The following NBPF14 variants were observed in gnomAD, a reference collection of about 807,000 sequenced individuals.
NBPF14 encodes the protein NBPF member 14.
A neutral mutation model predicts 91.2 loss-of-function variants in NBPF14; 104 were observed. The observed-to-expected ratio is 1.14, with a 90% confidence interval of 0.97 to 1.34. The LOEUF is 1.34. Among genes scored for constraint, NBPF14 ranks in the 40% most tolerant of loss-of-function variants. The probability of loss-of-function intolerance (pLI) is 0.00; values close to 1 mark genes in which losing one functional copy is unlikely to be tolerated. For synonymous variants in NBPF14, 294 were observed against 303.8 expected (o/e 0.97, Z 0.34); for missense variants, 908 against 783.0 (o/e 1.16, Z -1.91).
chr1:148,590,455 C>T (rs1332764330), intron 6 of NBPF14, among the ~76,000 whole-genome samples: 5 of 120,732 alleles, frequency 4.1e-5, no homozygotes, highest in African/African-American at 1.5e-4. Context: ...CCCATCCTCC[C>T]ACCTAAGTCT....
At chr1:148,577,482 A>G in intron 14 of NBPF14, 127 bp from the exon 15 acceptor site, 1 of 703,850 alleles carries the variant, frequency 1.4e-6, no homozygotes, top group Non-Finnish European at 2.6e-6. Context: ...TAATGAGGTA[A>G]CAAATTATTG....
intron 68 of NBPF14, among the ~76,000 whole-genome samples, 161 bp from the exon 69 acceptor site, chr1:148,535,017 G>A (rs1445203878): frequency 0.033 from 4,828 of 147,124 alleles, 74 homozygotes; most frequent in Non-Finnish European, 0.049. Context: ...ATAGACCAGG[G>A]CCAGGTAGAA....
intron 8 of NBPF14, among the ~76,000 whole-genome samples, chr1:148,587,046 T>G (rs1313565479): frequency 0.021 from 3,164 of 147,580 alleles, 347 homozygotes; most frequent in Non-Finnish European, 0.034. Flanking sequence ...CTCCTTTGGT[T>G]AATTTTGTGT....
chr1:148,558,947 ACT>A (rs1657066749), intron 38 of NBPF14, 72 bp downstream of exon 38: 1 of 297,558 alleles, frequency 3.4e-6, no homozygotes, highest in Non-Finnish European at 5.4e-6. Context: ...AATTGAACAC[ACT>A]CTTGTTTTCC....
Position 148,534,139 on chromosome 1 carries a change from G to A in NBPF14, c.8615-170C>T, listed in dbSNP as rs368360464. Among the ~76,000 whole-genome samples, 35 of 146,554 alleles carry A rather than the reference G, an allele frequency of 2.4e-4. No homozygotes were observed. The East Asian group carries it at 3.8e-3, about 16-fold the overall frequency. The stretch of plus-strand genomic sequence containing the variant: ...AGGCTGGTCATGATAGAAATTCCTC[G>A]GTTTTTCTCCCAGAAACTGTGGGTA... On this transcript the variant is annotated intron_variant, in intron 69 of 70. Coordinates refer to ENST00000619423, the Ensembl canonical transcript of NBPF14.
Position 148,576,089 on chromosome 1 carries a change from T to C in NBPF14, c.2079-278A>G, listed in dbSNP as rs1283918202. 8.4e-5 allele frequency among the ~76,000 whole-genome samples: 12 copies of C among 142,176 alleles called. 1 individual carries two copies. Among genetic ancestry groups the C allele is most frequent in the African/African-American group, 3.3e-4 (12 of 36,696 alleles). 93.3% of individuals were successfully genotyped at this position (142,176 alleles called of 152,430 possible). ...CTGATGAAGGGGTTAAAGGACACTC[T>C]GAGTTAGTGCCCTCGGGACACACAG... On this transcript the variant is annotated intron_variant, in intron 16 of 70. Coordinates refer to ENST00000619423, the Ensembl canonical transcript of NBPF14.
At chr1:148,577,052 C>T in intron 15 of NBPF14, 131 bp downstream of exon 15, 2 of 667,582 alleles carry the variant, frequency 3.0e-6, no homozygotes, top group Admixed American at 4.6e-5. Context: ...TTTCATTCAA[C>T]CTACATGTGC....
At chr1:148,549,858 TTCTGGTAGATCGTTA>T (rs1655960316) in intron 49 of NBPF14, among the ~76,000 whole-genome samples, 1 of 67,714 alleles carries the variant, frequency 1.5e-5, no homozygotes, top group Non-Finnish European at 2.5e-5. Context: ...AAATTCCCTA[TTCTGGTAGATCGTTA>T]TCCCAATATC....
chr1:148,572,525 T>A, exon 21 of NBPF14: 1 of 624,362 alleles, frequency 1.6e-6, no homozygotes, highest in Non-Finnish European at 2.8e-6. Context: ...AGTCAGGCAG[T>A]TCAAGATAAC....
chr1:148,593,303 A>T (rs1662802879), intron 3 of NBPF14, among the ~76,000 whole-genome samples: 1 of 148,928 alleles, frequency 6.7e-6, no homozygotes, highest in African/African-American at 2.4e-5. Flanking sequence ...CACCATTTTG[A>T]TTATACTGAA....
intron 70 of NBPF14, among the ~76,000 whole-genome samples, chr1:148,533,498 C>T (rs1654143645): frequency 6.6e-6 from 1 of 151,542 alleles, no homozygotes; most frequent in Non-Finnish European, 1.5e-5. Context: ...GTGAATTGGC[C>T]AGGTGACATA....
intron 37 of NBPF14, among the ~76,000 whole-genome samples, chr1:148,559,279 A>C (rs1274871600): frequency 1.8e-5 from 2 of 113,354 alleles, no homozygotes; most frequent in Admixed American, 8.6e-5. Context: ...AAAATTCCCT[A>C]TTCTGGTAGA....
intron 8 of NBPF14, among the ~76,000 whole-genome samples, chr1:148,586,836 T>G (rs1423879283): frequency 7.4e-6 from 1 of 135,090 alleles, no homozygotes; most frequent in African/African-American, 2.7e-5. Flanking sequence ...TACAAAGCCA[T>G]GTACAGAAAT....
At chr1:148,576,138 G>A (rs1243554219) in intron 16 of NBPF14, among the ~76,000 whole-genome samples, 2 of 107,038 alleles carry the variant, frequency 1.9e-5, no homozygotes, top group East Asian at 3.4e-4. Flanking sequence ...TGAAAAGAGT[G>A]GGCTCAATAA....
At position 148,593,175 on chromosome 1, in the gene NBPF14, G is replaced by A. The variant is rs1315083692; in HGVS notation, c.279-409C>T. Among the ~76,000 whole-genome samples, 8 of 145,904 alleles carry A rather than the reference G, an allele frequency of 5.5e-5. 1 individual carries two copies. Among genetic ancestry groups the A allele is most frequent in the Non-Finnish European group, 1.2e-4 (8 of 66,208 alleles). ...AGGTGCAGATGGGGCGAATTGAAAA[G>A]ATGAAAGAAGAAAAGAAGGACAGGG... On this transcript the variant is annotated intron_variant, in intron 3 of 70. Coordinates refer to ENST00000619423, the Ensembl canonical transcript of NBPF14.
intron 36 of NBPF14, 94 bp from the exon 37 acceptor site, chr1:148,560,059 G>A: frequency 1.5e-6 from 1 of 682,146 alleles, no homozygotes. Context: ...GGAAGAGTTT[G>A]AAAAGAAAAA....
chr1:148,533,452 G>C (rs1339665103), intron 70 of NBPF14, among the ~76,000 whole-genome samples: 10 of 151,576 alleles, frequency 6.6e-5, no homozygotes, highest in South Asian at 2.1e-4. Flanking sequence ...GACAGAGAGA[G>C]AGAGACAGAG....
chr1:148,586,966 T>A (rs1661643547), intron 8 of NBPF14, among the ~76,000 whole-genome samples: 1 of 145,884 alleles, frequency 6.9e-6, no homozygotes, highest in Admixed American at 6.9e-5. Flanking sequence ...GAGGTGATTC[T>A]CACTAAGGGT....
intron 69 of NBPF14, among the ~76,000 whole-genome samples, chr1:148,534,230 C>A (rs185474521): frequency 4.0e-5 from 6 of 151,340 alleles, no homozygotes; most frequent in African/African-American, 9.7e-5. Context: ...CAAACAGTTA[C>A]GCCATATTTT....
Sources: allele counts gnomAD v4.1 joint callset (sites outside exome capture counted in the v4.1 genomes callset), GRCh38; gene constraint gnomAD v4.1.1; transcripts MANE v1.5; gene names NCBI Gene and HGNC (gene_info 2026-07-23, HGNC 2026-07-21).